PSTPIP1: variants seen among roughly 807,000 people sequenced by gnomAD.
PSTPIP1 encodes the protein proline-serine-threonine phosphatase interacting protein 1, also known as proline-serine-threonine phosphatase-interacting protein 1.
Under a neutral mutation model 69.6 loss-of-function variants are expected in PSTPIP1, and 66 were observed. The ratio of observed to expected loss-of-function variants is 0.95; its 90% CI spans 0.78 to 1.16. The LOEUF is 1.16. PSTPIP1 is among the 50% of genes most tolerant of loss of function. PSTPIP1 has a pLI of 0.00. For synonymous variants in PSTPIP1, 266 were observed against 222.7 expected (o/e 1.19, Z -1.73); for missense variants, 603 against 557.4 (o/e 1.08, Z -0.82).
intron 1 of PSTPIP1, among the ~76,000 whole-genome samples, chr15:76,997,509 A>C (rs2075607241): frequency 6.6e-6 from 1 of 152,264 alleles, no homozygotes; most frequent in Non-Finnish European, 1.5e-5. Context: ...ATATTCACTC[A>C]TTCAATCCTT....
chr15:77,005,909 T>C lies in PSTPIP1; in HGVS notation c.36+10300T>C, dbSNP rs576415591. ...TGATCCATTGATGACCACTGGGCTG[T>C]TTCTTTGAGCTACTGTGAATAATGC... is the stretch of plus-strand genomic sequence containing the variant. On this transcript the variant is annotated intron_variant, in intron 1 of 14. Coordinates refer to ENST00000558012, the MANE Select transcript of PSTPIP1 (RefSeq NM_003978.5). Among the ~76,000 whole-genome samples, 33 of 152,360 alleles carry C rather than the reference T, an allele frequency of 2.2e-4. No homozygotes were observed. In the South Asian group the frequency reaches 4.6e-3, roughly 21 times the overall value.
At chr15:77,028,021 C>G (rs2076323980) in intron 6 of PSTPIP1, 107 bp downstream of exon 6, 3 of 1,092,342 alleles carry the variant, frequency 2.7e-6, no homozygotes, top group Non-Finnish European at 4.1e-6. Context: ...ACAGGCTGAC[C>G]TCAGCCTTGG....
Position 77,018,109 on chromosome 15 carries a change from G to A in PSTPIP1, c.37-39G>A, listed in dbSNP as rs772434207. ...CACAGGGCTGTGCTCAGTGTCGCCT[G>A]GTCGTGGCCCTCATGTGTCCTTCTG... On this transcript the variant is annotated intron_variant, in intron 1 of 14. Transcript: ENST00000558012. The A allele has an allele frequency of 4.5e-5, 69 of 1,546,268 alleles. 3 individuals carry two copies. The South Asian group carries it at 7.6e-4, about 17-fold the overall frequency.
At chr15:77,026,649 C>G (rs925090871) in intron 5 of PSTPIP1, among the ~76,000 whole-genome samples, 2 of 152,244 alleles carry the variant, frequency 1.3e-5, no homozygotes, top group African/African-American at 4.8e-5. Context: ...GCTCTGCTGG[C>G]AGAAATGTAG....
intron 1 of PSTPIP1, among the ~76,000 whole-genome samples, chr15:77,010,029 A>G (rs1246589072): frequency 6.6e-6 from 1 of 152,112 alleles, no homozygotes; most frequent in Non-Finnish European, 1.5e-5. Flanking sequence ...CTGGCTGGCT[A>G]CAGGGTCAGT....
intron 9 of PSTPIP1, 67 bp from the exon 10 acceptor site, chr15:77,031,113 T>C (rs1156467051): frequency 2.7e-6 from 4 of 1,458,234 alleles, no homozygotes; most frequent in Non-Finnish European, 3.8e-6. Context: ...GAGCTGTGAA[T>C]GGGGCCCAGC....
In PSTPIP1 at chr15:77,027,250, C is replaced by T. The variant is rs935474828; in HGVS notation, c.355-602C>T. Among the ~76,000 whole-genome samples, 11 of 152,220 alleles carry T rather than the reference C, an allele frequency of 7.2e-5. No individual in the cohort carries two copies. Among genetic ancestry groups the T allele is most frequent in the African/African-American group, 2.4e-4 (10 of 41,460 alleles). On this transcript the variant is annotated intron_variant, in intron 5 of 14. Coordinates refer to ENST00000558012, the MANE Select transcript of PSTPIP1 (RefSeq NM_003978.5). The surrounding 1 kb of genome is among the most constrained non-coding windows in gnomAD (Gnocchi z 4.3). ...CCAGTCGCTGTCCTGGCTGTTTTGC[C>T]TTCTCTATCAGAACAGGAAGCCTGG...
Position 77,027,671 on chromosome 15 carries a change from G to A in PSTPIP1, c.355-181G>A. ...ACACCCATGCCCTGTGATTCTCTGTGGCCTTCCATTGTGAGGGTCACTGTG... is the reference window on the plus strand; with the variant it reads ...ACACCCATGCCCTGTGATTCTCTGTAGCCTTCCATTGTGAGGGTCACTGTG... On this transcript the variant is annotated intron_variant, in intron 5 of 14. Coordinates refer to ENST00000558012, the MANE Select transcript of PSTPIP1 (RefSeq NM_003978.5). The surrounding 1 kb of genome is among the most constrained non-coding windows in gnomAD (Gnocchi z 4.3). 1 of 708,418 alleles carries A rather than the reference G, an allele frequency of 1.4e-6. No individual in the cohort carries two copies. The highest frequency in any genetic ancestry group is 2.5e-6 in the Non-Finnish European group (1 of 394,200). The allele number at this position is 708,418 out of a possible 1,614,324, so 43.9% of individuals were successfully genotyped here.
chr15:77,018,003 T>G, intron 1 of PSTPIP1, 145 bp from the exon 2 acceptor site: 1 of 724,696 alleles, frequency 1.4e-6, no homozygotes, highest in Non-Finnish European at 2.3e-6. Context: ...TAAAGCCAGG[T>G]CTGGAGTCCC....
In PSTPIP1 at chr15:77,035,485, C is replaced by T. The variant is rs1238854342; in HGVS notation, c.930-23C>T. ...CCTGAGTGTGGGGCGGGGACACTCA[C>T]CCTCTTTCCTCCCTGTTCCCAGGTT... On this transcript the variant is annotated intron_variant, in intron 12 of 14. Coordinates refer to ENST00000558012, the MANE Select transcript of PSTPIP1 (RefSeq NM_003978.5). 2.5e-6 allele frequency: 4 copies of T among 1,580,128 alleles called. No individual in the cohort carries two copies. In the African/African-American group the frequency reaches 5.4e-5, roughly 21 times the overall value.
At chr15:77,029,398 C>A in intron 7 of PSTPIP1, 131 bp from the exon 8 acceptor site, 1 of 1,012,216 alleles carries the variant, frequency 9.9e-7, no homozygotes, top group Non-Finnish European at 1.5e-6. Context: ...ATGATGGCAT[C>A]TGCCCATAGT....
intron 10 of PSTPIP1, among the ~76,000 whole-genome samples, chr15:77,032,045 T>C (rs915267918): frequency 3.9e-5 from 6 of 152,172 alleles, no homozygotes; most frequent in Non-Finnish European, 7.3e-5. Context: ...TCCTCATCTA[T>C]CCAATGGGAA....
Position 77,037,091 on chromosome 15 carries a change from T to C in PSTPIP1, c.1166T>C (p.Ile389Thr), listed in dbSNP as rs2076597537. The change falls in exon 15 of 15, where the codon ATC becomes ACC. Residue 389 changes from isoleucine to threonine, a missense_variant. By Grantham distance (89) the Ile-to-Thr change is moderately conservative. Coordinates refer to ENST00000558012, the MANE Select transcript of PSTPIP1 (RefSeq NM_003978.5). ...DLSAGDILEV[I>T]LEGEDGWWTV... ...TCCGCGGGAGACATCCTGGAGGTGATCCTGGAAGGGGAGGATGGCTGGTGG... is the reference window on the plus strand; with the variant it reads ...TCCGCGGGAGACATCCTGGAGGTGACCCTGGAAGGGGAGGATGGCTGGTGG... 6.2e-7 allele frequency: 1 copy of C among 1,612,312 alleles called. No homozygotes were observed. Among genetic ancestry groups the C allele is most frequent in the Non-Finnish European group, 8.5e-7 (1 of 1,179,680 alleles).
Position 77,032,032 on chromosome 15 carries a change from G to A in PSTPIP1, c.742-266G>A, listed in dbSNP as rs116894585. Among the ~76,000 whole-genome samples, 5,548 of 152,352 alleles carry A rather than the reference G, an allele frequency of 0.036. 156 individuals carry two copies. Among genetic ancestry groups the A allele is most frequent in the Middle Eastern group, 0.14 (40 of 294 alleles). On this transcript the variant is annotated intron_variant, in intron 10 of 14. Transcript: ENST00000558012. ...CCTTGGGCAAGTCACTCTCCTCTGA[G>A]TTTCCTCATCTATCCAATGGGAAAA...
At chr15:77,025,709 C>A in intron 5 of PSTPIP1, 105 bp downstream of exon 5, 17 of 737,942 alleles carry the variant, frequency 2.3e-5, no homozygotes, top group East Asian at 6.8e-5. Context: ...TGGAGGGCGG[C>A]AGGGGTGGTG....
intron 1 of PSTPIP1, among the ~76,000 whole-genome samples, chr15:77,001,550 A>G (rs1459786365): frequency 6.6e-6 from 1 of 152,252 alleles, no homozygotes; most frequent in Non-Finnish European, 1.5e-5. Flanking sequence ...GCTTGCAGAC[A>G]GTGCAGGAGG....
chr15:77,031,659 C>T (rs931514097), intron 10 of PSTPIP1: 5 of 203,914 alleles, frequency 2.5e-5, no homozygotes, highest in Non-Finnish European at 4.1e-5. Flanking sequence ...GGAGCCGAGG[C>T]GCAGTCCTTC....
At chr15:77,014,666 G>A (rs2076014501) in intron 1 of PSTPIP1, among the ~76,000 whole-genome samples, 1 of 152,240 alleles carries the variant, frequency 6.6e-6, no homozygotes, top group African/African-American at 2.4e-5. Flanking sequence ...GGAAGTGGCG[G>A]TAGTTACAGA....
intron 5 of PSTPIP1, among the ~76,000 whole-genome samples, chr15:77,026,452 A>C (rs1223608718): frequency 6.6e-6 from 1 of 152,208 alleles, no homozygotes; most frequent in Non-Finnish European, 1.5e-5. Context: ...CTTGAAGGGG[A>C]AGAAGCTGTA....
Sources: gnomAD v4.1 joint callset for allele counts (sites outside exome capture counted in the v4.1 genomes callset) on GRCh38, gnomAD v4.1.1 for gene constraint, Gnocchi (gnomAD v3.1) non-coding constraint, MANE v1.5 for transcripts, NCBI Gene and HGNC (gene_info 2026-07-23, HGNC 2026-07-21) for gene names.